Variants in CDH13 observed in about 807,000 individuals in gnomAD.
CDH13 encodes the protein cadherin 13.
In CDH13, 24 loss-of-function variants were observed where a neutral mutation model predicts 63.8. That is an observed-to-expected ratio of 0.38 (90% CI 0.27 to 0.53). The LOEUF is 0.53. Ranked by LOEUF, CDH13 falls within the 20% of genes least tolerant of loss-of-function variation. CDH13 has a pLI of 0.85. For synonymous variants in CDH13, 503 were observed against 355.3 expected (o/e 1.42, Z -4.67); for missense variants, 1,049 against 903.1 (o/e 1.16, Z -2.07).
intron 1 of CDH13, among the ~76,000 whole-genome samples, chr16:82,740,994 C>G (rs2033901473): frequency 6.6e-6 from 1 of 152,152 alleles, no homozygotes; most frequent in South Asian, 2.1e-4. Flanking sequence ...GTGTATTACT[C>G]TACATTGAAT....
chr16:82,706,246 C>T (rs990657081), intron 1 of CDH13, among the ~76,000 whole-genome samples: 1 of 152,150 alleles, frequency 6.6e-6, no homozygotes, highest in South Asian at 2.1e-4. Flanking sequence ...TGGAAATACA[C>T]TGAACAGGGC....
intron 1 of CDH13, chr16:82,825,731 G>C: frequency 6.6e-6 from 1 of 151,856 alleles, no homozygotes; most frequent in East Asian, 1.9e-4. Flanking sequence ...GTTATTAGTA[G>C]AGATGGGGTT....
chr16:82,644,617 AT>A lies in CDH13; in HGVS notation c.45+17481del, dbSNP rs1440191935. Among the ~76,000 whole-genome samples the A allele has an allele frequency of 6.6e-6, 1 of 152,276 alleles. No individual in the cohort carries two copies. Among genetic ancestry groups the A allele is most frequent in the Non-Finnish European group, 1.5e-5 (1 of 68,022 alleles). ...AAGCTGAGGGGCTGTACGTGTCTTC[AT>A]AGGTCTCCAGTCTGTAAAAGCAACC... is the stretch of plus-strand genomic sequence containing the variant. On this transcript the variant is annotated intron_variant, in intron 1 of 13. Coordinates refer to ENST00000567109, the MANE Select transcript of CDH13 (RefSeq NM_001257.5). This position sits in a 1 kb window ranked among gnomAD's most constrained non-coding sequence, Gnocchi z 5.7.
At chr16:83,171,569 T>A in intron 4 of CDH13, 2 of 1,533,242 alleles carry the variant, frequency 1.3e-6, no homozygotes, top group Non-Finnish European at 1.7e-6. Context: ...TGACATGAGA[T>A]AAGTGCACAG....
At chr16:83,276,333 G>C (rs1433240281) in intron 5 of CDH13, among the ~76,000 whole-genome samples, 2 of 152,030 alleles carry the variant, frequency 1.3e-5, no homozygotes, top group African/African-American at 2.4e-5. Context: ...ATAAGTTGAG[G>C]GTTTCCTCTT....
intron 6 of CDH13, among the ~76,000 whole-genome samples, chr16:83,466,589 A>T (rs2073322453): frequency 6.6e-6 from 1 of 152,170 alleles, no homozygotes; most frequent in African/African-American, 2.4e-5. Flanking sequence ...ACCTTCATCA[A>T]CCCAAAACTC....
intron 8 of CDH13, among the ~76,000 whole-genome samples, chr16:83,670,240 A>G (rs1159021781): frequency 6.6e-6 from 1 of 152,212 alleles, no homozygotes; most frequent in Admixed American, 6.5e-5. Context: ...TCCACTTACA[A>G]GTCTTAACGC....
At chr16:83,181,039 CA>C in intron 4 of CDH13, 2 of 1,496,944 alleles carry the variant, frequency 1.3e-6, no homozygotes, top group South Asian at 2.6e-5. Context: ...CTCGGTATTT[CA>C]AATCCATTTT....
At position 83,791,588 on chromosome 16, in the gene CDH13, G is replaced by A. The variant is rs574710795; in HGVS notation, c.2135-3435G>A. Among the ~76,000 whole-genome samples, 171 of 152,074 alleles carry A rather than the reference G, an allele frequency of 1.1e-3. 1 individual carries two copies. The highest frequency in any genetic ancestry group is 1.7e-3 in the Admixed American group (26 of 15,254). ...AGCACTTTGGGAGGCCGAGGTGGGC[G>A]GATCACAAGGTCAGGAGTTCAAGAT... On this transcript the variant is annotated intron_variant, in intron 13 of 13. Coordinates refer to ENST00000567109, the MANE Select transcript of CDH13 (RefSeq NM_001257.5).
At chr16:83,429,591 A>G (rs991898976) in intron 6 of CDH13, among the ~76,000 whole-genome samples, 3 of 152,104 alleles carry the variant, frequency 2.0e-5, no homozygotes, top group Non-Finnish European at 4.4e-5. Context: ...AGAAAAATAA[A>G]AATAAATTAC....
chr16:83,501,637 C>G (rs1027353968), intron 7 of CDH13, among the ~76,000 whole-genome samples: 24 of 152,192 alleles, frequency 1.6e-4, no homozygotes, highest in African/African-American at 5.5e-4. Context: ...CACATCCATT[C>G]TACTAGGAGG....
intron 2 of CDH13, among the ~76,000 whole-genome samples, chr16:82,909,589 T>G (rs2151260838): frequency 6.6e-6 from 1 of 151,980 alleles, no homozygotes; most frequent in East Asian, 1.9e-4. Flanking sequence ...GGAAGGCAAA[T>G]GAGGAGCAAC....
chr16:82,774,165 C>T (rs1420794948), intron 1 of CDH13, among the ~76,000 whole-genome samples: 2 of 152,086 alleles, frequency 1.3e-5, no homozygotes, highest in East Asian at 3.9e-4. Context: ...TGGTTGCCAA[C>T]AGAGAGGCTA....
chr16:83,561,877 T>A (rs1395901471), intron 7 of CDH13, among the ~76,000 whole-genome samples: 1 of 152,128 alleles, frequency 6.6e-6, no homozygotes, highest in Non-Finnish European at 1.5e-5. Flanking sequence ...CTGACTAAAC[T>A]GAAGACAGAG....
intron 1 of CDH13, among the ~76,000 whole-genome samples, chr16:82,711,379 C>T (rs960099174): frequency 4.6e-5 from 7 of 152,080 alleles, no homozygotes; most frequent in Non-Finnish European, 7.4e-5. Context: ...TAGCATTGAG[C>T]GGTGGCACTT....
chr16:83,080,871 G>GTTTTTTTTTGTTT (rs2033184696), intron 3 of CDH13, among the ~76,000 whole-genome samples: 1 of 46,928 alleles, frequency 2.1e-5, no homozygotes, highest in African/African-American at 9.3e-5. Flanking sequence ...TTGTTTTTGT[G>GTTTTTTTTTGTTT]TTTTTTTTTT....
intron 2 of CDH13, among the ~76,000 whole-genome samples, chr16:82,976,788 A>G (rs562667568): frequency 7.2e-5 from 11 of 152,198 alleles, no homozygotes; most frequent in South Asian, 4.1e-4. Flanking sequence ...TTGTGAACAC[A>G]TTATTCTGCC....
At chr16:82,858,638 G>A (rs1167943599) in intron 2 of CDH13, 165 bp downstream of exon 2, 2 of 672,566 alleles carry the variant, frequency 3.0e-6, no homozygotes, top group Non-Finnish European at 5.4e-6. Flanking sequence ...ATGAGGGCCT[G>A]GCCAACTTAG....
chr16:83,073,074 C>A (rs1050162294), intron 3 of CDH13, among the ~76,000 whole-genome samples: 1 of 152,166 alleles, frequency 6.6e-6, no homozygotes, highest in African/African-American at 2.4e-5. Context: ...GTGCTGGTAG[C>A]TCACGAACTC....
Sources: gnomAD v4.1 joint callset for allele counts (sites outside exome capture counted in the v4.1 genomes callset) on GRCh38, gnomAD v4.1.1 for gene constraint, Gnocchi (gnomAD v3.1) non-coding constraint, MANE v1.5 for transcripts, NCBI Gene and HGNC (gene_info 2026-07-23, HGNC 2026-07-21) for gene names.